WDR70: variants seen among roughly 807,000 people sequenced by gnomAD.
WDR70 encodes WD repeat domain 70.
Under a neutral mutation model 88.6 loss-of-function variants are expected in WDR70, and 53 were observed. The ratio of observed to expected loss-of-function variants is 0.60; its 90% confidence interval spans 0.48 to 0.75. The LOEUF is 0.75. Ranked by LOEUF, WDR70 falls within the 30% of genes least tolerant of loss-of-function variation. The probability of loss-of-function intolerance (pLI) is 0.00; values close to 1 mark genes in which losing one functional copy is unlikely to be tolerated. For synonymous variants in WDR70, 280 were observed against 270.0 expected (o/e 1.04, Z -0.36); for missense variants, 610 against 823.2 (o/e 0.74, Z 3.17).
chr5:37,593,497 G>T (rs965934106), intron 9 of WDR70, among the ~76,000 whole-genome samples: 1 of 152,134 alleles, frequency 6.6e-6, no homozygotes, highest in East Asian at 1.9e-4. Flanking sequence ...TTTTATGGCT[G>T]CATAGTATTC....
At chr5:37,569,088 T>A (rs1239149004) in intron 9 of WDR70, among the ~76,000 whole-genome samples, 1 of 152,218 alleles carries the variant, frequency 6.6e-6, no homozygotes, top group East Asian at 1.9e-4. Flanking sequence ...TCAGGCTATT[T>A]CAGAATTATG....
chr5:37,683,652 A>T (rs1461765853), intron 10 of WDR70, among the ~76,000 whole-genome samples: 6 of 152,142 alleles, frequency 3.9e-5, no homozygotes, highest in African/African-American at 1.4e-4. Context: ...TTTCTCTAAG[A>T]ATGTTGAATA....
At chr5:37,392,156 C>A (rs1748847887) in intron 4 of WDR70, 36 bp downstream of exon 4, 1 of 1,577,454 alleles carries the variant, frequency 6.3e-7, no homozygotes, top group Non-Finnish European at 8.6e-7. Context: ...ATTAAACTAT[C>A]AGTTTCTAGG....
chr5:37,721,060 T>C, intron 13 of WDR70, 55 bp from the exon 14 acceptor site: 1 of 1,474,866 alleles, frequency 6.8e-7, no homozygotes, highest in Non-Finnish European at 9.5e-7. Context: ...ACCAGCAGGA[T>C]TGTTTCCATT....
chr5:37,456,024 G>A (rs1738826838), intron 7 of WDR70, among the ~76,000 whole-genome samples: 1 of 118,120 alleles, frequency 8.5e-6, no homozygotes, highest in South Asian at 3.6e-4. Flanking sequence ...CTTATTTCCA[G>A]TTTTTAGGTA....
chr5:37,702,321 A>G (rs907000064), intron 12 of WDR70, among the ~76,000 whole-genome samples: 2 of 152,224 alleles, frequency 1.3e-5, no homozygotes, highest in African/African-American at 4.8e-5. Context: ...ACCTGCTGCA[A>G]GTAATGCTAA....
chr5:37,413,349 CT>C (rs1313218268), intron 5 of WDR70, among the ~76,000 whole-genome samples: 2 of 152,038 alleles, frequency 1.3e-5, no homozygotes, highest in African/African-American at 2.4e-5. Context: ...GGAATAATTA[CT>C]TTTTTTTCTC....
chr5:37,594,813 C>T (rs569673893), intron 9 of WDR70, among the ~76,000 whole-genome samples: 7 of 152,258 alleles, frequency 4.6e-5, no homozygotes, highest in South Asian at 4.1e-4. Flanking sequence ...CTTTATATTT[C>T]GTTGAGCAGT....
chr5:37,702,441 C>A (rs571462085), intron 12 of WDR70, among the ~76,000 whole-genome samples: 1 of 152,140 alleles, frequency 6.6e-6, no homozygotes, highest in Non-Finnish European at 1.5e-5. Flanking sequence ...AGCAATGCAA[C>A]CTGTGGCTCA....
intron 17 of WDR70, among the ~76,000 whole-genome samples, chr5:37,728,154 C>T (rs1748035987): frequency 6.6e-6 from 1 of 151,892 alleles, no homozygotes; most frequent in Admixed American, 6.6e-5. Flanking sequence ...TCAAGACCAG[C>T]CTGGCCAACA....
At chr5:37,456,654 G>A (rs10074916) in intron 7 of WDR70, among the ~76,000 whole-genome samples, 2,951 of 152,194 alleles carry the variant, frequency 0.019, 86 homozygotes, top group African/African-American at 0.067. Context: ...GGGTATTGGA[G>A]AACTTTCATT....
intron 12 of WDR70, among the ~76,000 whole-genome samples, chr5:37,701,963 C>T (rs1747176892): frequency 6.6e-6 from 1 of 152,142 alleles, no homozygotes; most frequent in African/African-American, 2.4e-5. Context: ...TATCTCCAAT[C>T]TACTAAATTG....
chr5:37,539,576 T>A (rs979770567), intron 9 of WDR70, among the ~76,000 whole-genome samples: 2 of 152,242 alleles, frequency 1.3e-5, no homozygotes, highest in African/African-American at 4.8e-5. Context: ...ACCCAGTCTG[T>A]GGCACTTTGT....
At chr5:37,553,372 A>G (rs956018508) in intron 9 of WDR70, among the ~76,000 whole-genome samples, 1 of 152,192 alleles carries the variant, frequency 6.6e-6, no homozygotes, top group Non-Finnish European at 1.5e-5. Flanking sequence ...AACCATCTGT[A>G]TCCTGTTCAG....
At chr5:37,407,483 C>T (rs1749388460) in intron 5 of WDR70, among the ~76,000 whole-genome samples, 1 of 146,642 alleles carries the variant, frequency 6.8e-6, no homozygotes, top group African/African-American at 2.8e-5. Flanking sequence ...AAAAATCGTA[C>T]CACTGTACTC....
At chr5:37,393,716 G>A (rs547789206) in intron 4 of WDR70, among the ~76,000 whole-genome samples, 2 of 151,532 alleles carry the variant, frequency 1.3e-5, no homozygotes, top group African/African-American at 4.8e-5. Context: ...GGTTTCACTC[G>A]GTCACCCAGG....
chr5:37,383,915 C>T lies in WDR70; in HGVS notation c.175+2230C>T, dbSNP rs1420978322. Among the ~76,000 whole-genome samples, 8 of 152,072 alleles carry T rather than the reference C, an allele frequency of 5.3e-5. No individual in the cohort carries two copies. In the East Asian group the frequency reaches 5.8e-4, roughly 11 times the overall value. On this transcript the variant is annotated intron_variant, in intron 3 of 17. Transcript: ENST00000265107. ...TCATTATTATGTGAAATTTCAAACA[C>T]GGAAGTATAGTCATGAACTACCATG...
At chr5:37,413,592 G>T (rs559058496) in intron 5 of WDR70, among the ~76,000 whole-genome samples, 125 of 152,040 alleles carry the variant, frequency 8.2e-4, no homozygotes, top group Non-Finnish European at 1.4e-3. Context: ...ATGGTGGCGT[G>T]TGCCTGTGAT....
At chr5:37,598,021 A>AT (rs1043743377) in intron 9 of WDR70, among the ~76,000 whole-genome samples, 16 of 151,232 alleles carry the variant, frequency 1.1e-4, no homozygotes, top group South Asian at 2.1e-4. Context: ...CTCAAAGTTG[A>AT]TTTTTTTTTG....
Sources: allele counts gnomAD v4.1 joint callset (sites outside exome capture counted in the v4.1 genomes callset), GRCh38; gene constraint gnomAD v4.1.1; transcripts MANE v1.5; gene names NCBI Gene and HGNC (gene_info 2026-07-23, HGNC 2026-07-21).